Variants in EPHB4 observed in about 807,000 individuals in gnomAD.
EPHB4 encodes the protein EPH receptor B4.
Under a neutral mutation model 110.6 loss-of-function variants are expected in EPHB4, and 50 were observed. The observed-to-expected ratio is 0.45, with a 90% CI of 0.36 to 0.57. The LOEUF (loss-of-function observed/expected upper bound fraction) is 0.57. EPHB4 is among the 20% of genes least tolerant of loss of function. EPHB4 has a pLI of 0.00. For missense variants in EPHB4, 1,128 were observed against 1,382.1 expected (o/e 0.82, Z 2.91); for synonymous variants, 592 against 578.4 (o/e 1.02, Z -0.34).
intron 16 of EPHB4, among the ~76,000 whole-genome samples, chr7:100,804,526 A>G (rs576172066): frequency 1.2e-4 from 18 of 151,222 alleles, no homozygotes; most frequent in Non-Finnish European, 2.4e-4. Context: ...AGTTGTCCAC[A>G]ATGGTCTCGA....
chr7:100,818,831 G>A (rs368036003), intron 6 of EPHB4, among the ~76,000 whole-genome samples, 187 bp from the exon 7 acceptor site: 10 of 152,066 alleles, frequency 6.6e-5, no homozygotes, highest in African/African-American at 2.4e-4. Flanking sequence ...TTCCCAAGTG[G>A]ATTACAGGTG....
rs1465520444 is a variant in EPHB4, at chr7:100,827,221, G to T, written c.-191C>A. 1.7e-5 allele frequency: 5 copies of T among 288,316 alleles called. No homozygotes were observed. The highest frequency in any genetic ancestry group is 2.9e-5 in the Non-Finnish European group (5 of 172,334). 17.9% of individuals were successfully genotyped at this position (288,316 alleles called of 1,614,324 possible). ...AAGTGTGGCCCCGCGTCTGTGCCGC[G>T]CGCGCGGGCGGCGGGCCCGGAGCGT... is the stretch of plus-strand genomic sequence containing the variant. On this transcript the variant is annotated 5_prime_UTR_variant, in exon 1 of 17. Coordinates refer to ENST00000358173, the MANE Select transcript of EPHB4 (RefSeq NM_004444.5).
intron 8 of EPHB4, 53 bp downstream of exon 8, chr7:100,817,139 G>A: frequency 1.4e-6 from 2 of 1,414,294 alleles, no homozygotes; most frequent in Non-Finnish European, 9.2e-7. Context: ...GGTCTTCCCA[G>A]GAACTTTGGG....
At chr7:100,810,463 C>T (rs1312247348) in intron 12 of EPHB4, among the ~76,000 whole-genome samples, 1 of 152,008 alleles carries the variant, frequency 6.6e-6, no homozygotes, top group African/African-American at 2.4e-5. Context: ...TAATAATCAG[C>T]AGGCGTGGTG....
rs183759430 is a variant in EPHB4 at position 100,818,614 on chromosome 7, G to A, written c.1328C>T (p.Thr443Met). ...GCTCAAGCTGCTGGGTGAGGACCGC[G>A]TCACCCGGATGTCAGACACTGCAGG... ...VPPAVSDIRV[T>M]RSSPSSLSLA... The change falls in exon 7 of 17, where the codon ACG (threonine) becomes ATG (methionine). Residue 443 changes from threonine to methionine, a missense_variant. Thr to Met is a moderately conservative substitution (Grantham distance 81). Around this residue, in one of 3 missense-constraint regions of EPHB4, gnomAD observed 728 missense variants for 828.6 expected, o/e 0.88. Coordinates refer to ENST00000358173, the MANE Select transcript of EPHB4 (RefSeq NM_004444.5). The A allele has an allele frequency of 1.1e-5, 17 of 1,612,620 alleles. No homozygotes were observed. Among genetic ancestry groups the A allele is most frequent in the Admixed American group, 1.0e-4 (6 of 59,994 alleles).
chr7:100,817,208 G>A lies in EPHB4; in HGVS notation c.1572C>T (p.Ser524=). Residue 524 remains serine, a synonymous_variant, in exon 8 of 17, where the codon AGC becomes AGT. Transcript: ENST00000358173. ...CAGGCTCACCATCCAGTTGGGTCTGGCTGTGATGTTCCTGGCCGAAGGGCC... is the reference window on the plus strand; with the variant it reads ...CAGGCTCACCATCCAGTTGGGTCTGACTGTGATGTTCCTGGCCGAAGGGCC... The part of the protein sequence containing the change: ...GYGPFGQEHH[S]QTQLDESEGW... 1 of 1,580,800 alleles carries A rather than the reference G, an allele frequency of 6.3e-7. No individual in the cohort carries two copies. The highest frequency in any genetic ancestry group is 8.6e-7 in the Non-Finnish European group (1 of 1,163,932).
In EPHB4 at chr7:100,818,528, G is replaced by A. The variant is rs149712104; in HGVS notation, c.1414C>T (p.His472Tyr). The change falls in exon 7 of 17, where the codon CAT becomes TAT. Residue 472 changes from histidine (H) to tyrosine (Y), a missense_variant. Transcript: ENST00000358173. Reference protein sequence around the residue: ...GAVLDYEVKYHEKGAEGPSSV... With the variant: ...GAVLDYEVKYYEKGAEGPSSV... ...CTGGGGGATGGCCTTACCTTCTCAT[G>A]GTATTTGACCTCGTAGTCCAGCACA... The A allele has an allele frequency of 6.2e-7, 1 of 1,613,982 alleles. No homozygotes were observed. Among genetic ancestry groups the A allele is most frequent in the East Asian group, 2.2e-5 (1 of 44,864 alleles).
rs745507014 is a variant in EPHB4 at position 100,826,965 on chromosome 7, G to GC, written c.52+13dup. 72 of 1,213,536 alleles carry GC rather than the reference G, an allele frequency of 5.9e-5. No homozygotes were observed. The East Asian group carries it at 1.2e-3, about 20-fold the overall frequency. 75.2% of individuals were successfully genotyped at this position (1,213,536 alleles called of 1,614,324 possible). On this transcript the variant is annotated intron_variant, in intron 1 of 16. Coordinates refer to ENST00000358173, the MANE Select transcript of EPHB4 (RefSeq NM_004444.5). ...GGAGTGACGGGGTGCGCCCCCCCCC[G>GC]CAAGGAAACTCACCTTCCAAAGCTG...
Position 100,826,097 on chromosome 7 carries a change from G to T in EPHB4, c.52+882C>A, listed in dbSNP as rs529032693. 2.6e-5 allele frequency among the ~76,000 whole-genome samples: 4 copies of T among 152,342 alleles called. No individual in the cohort carries two copies. In the East Asian group the frequency reaches 7.7e-4, roughly 29 times the overall value. On this transcript the variant is annotated intron_variant, in intron 1 of 16. Transcript: ENST00000358173. ...CCACTTTCATACCAGACAGAGAAAG[G>T]GGGGTGTTGGCAGCTCACTGAAAGG...
At chr7:100,821,202 A>G (rs2571605) in intron 4 of EPHB4, 146,590 of 151,352 alleles carry the variant, frequency 0.97, 71,153 homozygotes, top group East Asian at 1. Flanking sequence ...CTGGGTTCAA[A>G]TGATTCTCCT....
intron 14 of EPHB4, 127 bp downstream of exon 14, chr7:100,806,293 C>T (rs1812815670): frequency 2.6e-6 from 3 of 1,170,676 alleles, no homozygotes; most frequent in Non-Finnish European, 3.5e-6. Context: ...AAGATCAATT[C>T]TCCTTTTTGT....
In EPHB4 at chr7:100,805,609, C is replaced by G; in HGVS notation, c.2570G>C (p.Trp857Ser). The change falls in exon 15 of 17, where the codon TGG (tryptophan) becomes TCG (serine). Residue 857 changes from tryptophan (W) to serine (S), a missense_variant. Trp to Ser is a radical substitution (Grantham distance 177). Coordinates refer to ENST00000358173, the MANE Select transcript of EPHB4 (RefSeq NM_004444.5). ...TSLHQLMLDC[W>S]QKDRNARPRF... ...GGGCCGGGCATTCCGGTCTTTCTGCCAACAGTCCAGCATGAGCTGGTGGAG... is the reference window on the plus strand; with the variant it reads ...GGGCCGGGCATTCCGGTCTTTCTGCGAACAGTCCAGCATGAGCTGGTGGAG... 6.4e-7 allele frequency: 1 copy of G among 1,563,536 alleles called. No homozygotes were observed. The highest frequency in any genetic ancestry group is 1.2e-5 in the South Asian group (1 of 84,012).
rs1562971490 is a variant in EPHB4 at position 100,818,579 on chromosome 7, CCCAGG to C, written c.1358_1362del (p.Ala453GlyfsTer19). On this transcript the variant is annotated frameshift_variant, in exon 7 of 17. Transcript: ENST00000358173. LOFTEE classifies it high-confidence loss of function. ...GCCCCACTGGGTGCCCGGGGAACAG[CCCAGG>C]CCAGGCTCAAGCTGCTGGGTGAGGA... The C allele has an allele frequency of 6.2e-7, 1 of 1,613,870 alleles. No individual in the cohort carries two copies. Among genetic ancestry groups the C allele is most frequent in the East Asian group, 2.2e-5 (1 of 44,870 alleles).
In EPHB4 at chr7:100,806,668, C is replaced by A. The variant is rs975988782; in HGVS notation, c.2335-99G>T. 4.2e-6 allele frequency: 6 copies of A among 1,418,852 alleles called. No homozygotes were observed. In the African/African-American group the frequency reaches 7.1e-5, roughly 17 times the overall value. 87.9% of individuals were successfully genotyped at this position (1,418,852 alleles called of 1,614,324 possible). On this transcript the variant is annotated intron_variant, in intron 13 of 16. Transcript: ENST00000358173. ...GTCCCCCACCTGCCTCTGCTTTTTCCCCCTAGCTCAGGCCCCAAGCCTCCT... is the reference window on the plus strand; with the variant it reads ...GTCCCCCACCTGCCTCTGCTTTTTCACCCTAGCTCAGGCCCCAAGCCTCCT...
chr7:100,818,596 C>T lies in EPHB4; in HGVS notation c.1346G>A (p.Ser449Asn). The T allele has an allele frequency of 6.2e-7, 1 of 1,613,516 alleles. No homozygotes were observed. The highest frequency in any genetic ancestry group is 8.5e-7 in the Non-Finnish European group (1 of 1,180,022). Reference sequence around the variant, plus strand: ...GGGAACAGCCCAGGCCAGGCTCAAGCTGCTGGGTGAGGACCGCGTCACCCG... The same window carrying T: ...GGGAACAGCCCAGGCCAGGCTCAAGTTGCTGGGTGAGGACCGCGTCACCCG... ...DIRVTRSSPS[S>N]LSLAWAVPRA... is the part of the protein sequence containing the mutation. Residue 449 changes from serine (S) to asparagine (N), a missense_variant, in exon 7 of 17, where the codon AGC (serine) becomes AAC (asparagine). Physicochemically the swap from Ser to Asn is conservative, Grantham distance 46. This residue lies in a region of EPHB4 where 728 missense variants were observed against 828.6 expected (regional missense o/e 0.88). Coordinates refer to ENST00000358173, the MANE Select transcript of EPHB4 (RefSeq NM_004444.5).
chr7:100,814,673 CA>C (rs2116436998), intron 8 of EPHB4, among the ~76,000 whole-genome samples: 1 of 152,244 alleles, frequency 6.6e-6, no homozygotes, highest in African/African-American at 2.4e-5. Flanking sequence ...CAATAAAAAA[CA>C]AAATCAGCTA....
At chr7:100,805,377 A>G in intron 15 of EPHB4, 56 bp from the exon 16 acceptor site, 2 of 1,607,894 alleles carry the variant, frequency 1.2e-6, no homozygotes, top group Non-Finnish European at 1.7e-6. Flanking sequence ...CCGGGGGAGG[A>G]GGTGGAACCC....
At chr7:100,808,210 A>G (rs1224172262) in intron 12 of EPHB4, among the ~76,000 whole-genome samples, 1 of 151,946 alleles carries the variant, frequency 6.6e-6, no homozygotes, top group Non-Finnish European at 1.5e-5. Flanking sequence ...TACTCAACAA[A>G]TGCTTTTCTG....
At chr7:100,817,480 G>A in intron 7 of EPHB4, 123 bp from the exon 8 acceptor site, 7 of 1,124,222 alleles carry the variant, frequency 6.2e-6, no homozygotes, top group Non-Finnish European at 7.3e-6. Context: ...TGAGGCCTTT[G>A]GGAGAACTTA....
Sources: gnomAD v4.1 joint callset for allele counts (sites outside exome capture counted in the v4.1 genomes callset) on GRCh38, gnomAD v4.1.1 for gene constraint, gnomAD v4.1.1 regional missense constraint, MANE v1.5 for transcripts, NCBI Gene and HGNC (gene_info 2026-07-23, HGNC 2026-07-21) for gene names.